Variants in ITGA9 observed in about 807,000 individuals in gnomAD.
ITGA9 encodes the protein integrin subunit alpha 9, also known as integrin alpha-9.
Under a neutral mutation model 127.8 loss-of-function variants are expected in ITGA9, and 56 were observed. That is an observed-to-expected ratio of 0.44 (90% CI 0.35 to 0.55). The LOEUF is 0.55. Among genes scored for constraint, ITGA9 ranks in the 20% least tolerant of loss-of-function variants. The pLI is 0.00. For missense variants in ITGA9, 1,196 were observed against 1,347.1 expected (o/e 0.89, Z 1.76); for synonymous variants, 508 against 514.5 (o/e 0.99, Z 0.17).
At chr3:37,655,777 G>A (rs13320055) in intron 17 of ITGA9, among the ~76,000 whole-genome samples, 130 of 152,300 alleles carry the variant, frequency 8.5e-4, no homozygotes, top group African/African-American at 2.8e-3. Context: ...CCATGCCTAT[G>A]TCCTGAATGG....
intron 8 of ITGA9, among the ~76,000 whole-genome samples, chr3:37,512,483 A>C (rs928433986): frequency 1.3e-5 from 2 of 151,820 alleles, no homozygotes; most frequent in African/African-American, 4.8e-5. Context: ...AAGTGCTGGG[A>C]GTACAGGCGT....
chr3:37,553,824 T>C (rs1369406877), intron 15 of ITGA9, among the ~76,000 whole-genome samples: 2 of 152,190 alleles, frequency 1.3e-5, no homozygotes, highest in African/African-American at 4.8e-5. Context: ...GAATAAAACA[T>C]AATATCTTTG....
chr3:37,486,583 G>A (rs981323220), intron 4 of ITGA9, among the ~76,000 whole-genome samples: 1 of 152,168 alleles, frequency 6.6e-6, no homozygotes, highest in African/African-American at 2.4e-5. Context: ...AATATTCTCA[G>A]AAGGTGTCTA....
chr3:37,672,868 T>C (rs1194184390), intron 17 of ITGA9, among the ~76,000 whole-genome samples: 1 of 151,884 alleles, frequency 6.6e-6, no homozygotes, highest in African/African-American at 2.4e-5. Flanking sequence ...TTGAACCTTT[T>C]TGGGTACAAT....
intron 13 of ITGA9, among the ~76,000 whole-genome samples, chr3:37,532,964 T>G (rs1009818712): frequency 3.3e-5 from 5 of 152,212 alleles, no homozygotes; most frequent in Admixed American, 2.6e-4. Context: ...TCCTCTTAAA[T>G]GTATTCTTAT....
chr3:37,629,594 G>T lies in ITGA9; in HGVS notation c.1839+258G>T. ...TAGAAGTTACAATCCCCTCGAGTTC[G>T]TGAACTGGCTGGCCACTTGGTCCCT... On this transcript the variant is annotated intron_variant, in intron 16 of 27. Coordinates refer to ENST00000264741, the MANE Select transcript of ITGA9 (RefSeq NM_002207.3). This position sits in a 1 kb window ranked among gnomAD's most constrained non-coding sequence, Gnocchi z 4.5. 1 of 611,212 alleles carries T rather than the reference G, an allele frequency of 1.6e-6. No homozygotes were observed. The highest frequency in any genetic ancestry group is 2.8e-5 in the Admixed American group (1 of 35,254). 37.9% of individuals were successfully genotyped at this position (611,212 alleles called of 1,614,324 possible).
At chr3:37,779,127 T>G (rs960982568) in intron 24 of ITGA9, among the ~76,000 whole-genome samples, 2 of 152,112 alleles carry the variant, frequency 1.3e-5, no homozygotes, top group African/African-American at 4.8e-5. Context: ...TGTTTTGAGA[T>G]GGAGTCTTGC....
At chr3:37,794,556 AAG>A (rs1483938935) in intron 26 of ITGA9, among the ~76,000 whole-genome samples, 1 of 152,214 alleles carries the variant, frequency 6.6e-6, no homozygotes, top group Non-Finnish European at 1.5e-5. Context: ...GGGGAGAATG[AAG>A]ACTCCTCGGG....
chr3:37,487,249 G>C (rs1698619242), intron 4 of ITGA9, among the ~76,000 whole-genome samples: 1 of 152,116 alleles, frequency 6.6e-6, no homozygotes, highest in Non-Finnish European at 1.5e-5. Context: ...TAAATAAATA[G>C]AGCAAATTAA....
At chr3:37,606,475 T>C (rs1038379407) in intron 15 of ITGA9, among the ~76,000 whole-genome samples, 24 of 152,164 alleles carry the variant, frequency 1.6e-4, no homozygotes, top group Non-Finnish European at 2.6e-4. Flanking sequence ...CACAGCTGTA[T>C]TGGACAGCAC....
At chr3:37,683,816 T>C in intron 17 of ITGA9, 49 bp from the exon 18 acceptor site, 3 of 1,592,834 alleles carry the variant, frequency 1.9e-6, no homozygotes, top group Non-Finnish European at 2.6e-6. Flanking sequence ...CCTCATGTTA[T>C]ATTAGTGTAG....
intron 18 of ITGA9, among the ~76,000 whole-genome samples, chr3:37,715,281 T>C (rs1701122373): frequency 6.6e-6 from 1 of 152,162 alleles, no homozygotes; most frequent in African/African-American, 2.4e-5. Flanking sequence ...AGTAACTCAT[T>C]ATATCATTCC....
intron 18 of ITGA9, among the ~76,000 whole-genome samples, chr3:37,686,219 G>A (rs1268194234): frequency 2.0e-5 from 3 of 152,086 alleles, no homozygotes; most frequent in Admixed American, 6.5e-5. Flanking sequence ...TGAATTATTG[G>A]AGGAGCACTC....
At chr3:37,740,937 G>C (rs1341297476) in intron 20 of ITGA9, among the ~76,000 whole-genome samples, 1 of 152,194 alleles carries the variant, frequency 6.6e-6, no homozygotes, top group East Asian at 1.9e-4. Flanking sequence ...GAGCTTCCAT[G>C]ATGTTTATAG....
intron 17 of ITGA9, among the ~76,000 whole-genome samples, chr3:37,671,157 C>A (rs1019274055): frequency 2.0e-5 from 3 of 152,238 alleles, no homozygotes; most frequent in African/African-American, 7.2e-5. Context: ...CTAAAGTATT[C>A]TTTGTCTTTA....
chr3:37,537,574 C>T (rs575958719), intron 14 of ITGA9, among the ~76,000 whole-genome samples: 1 of 152,316 alleles, frequency 6.6e-6, no homozygotes, highest in African/African-American at 2.4e-5. Context: ...AATTAAGGTC[C>T]TACAGAGTGC....
intron 17 of ITGA9, among the ~76,000 whole-genome samples, chr3:37,663,525 A>T (rs1323240492): frequency 6.6e-6 from 1 of 152,184 alleles, no homozygotes; most frequent in Non-Finnish European, 1.5e-5. Flanking sequence ...ACTGTTGGCT[A>T]GCTGAGGGAT....
Position 37,779,886 on chromosome 3 carries a change from T to A in ITGA9, c.2668-16T>A. 6.2e-7 allele frequency: 1 copy of A among 1,613,792 alleles called. No individual in the cohort carries two copies. The highest frequency in any genetic ancestry group is 8.5e-7 in the Non-Finnish European group (1 of 1,179,732). On this transcript the variant is annotated splice_polypyrimidine_tract_variant and intron_variant, in intron 24 of 27. Coordinates refer to ENST00000264741, the MANE Select transcript of ITGA9 (RefSeq NM_002207.3). Reference sequence around the variant, plus strand: ...TTCTTAATTCCATTGGAAATTTTTCTGACTTTTCTTCTCAGGACTGTGAAA... The same window carrying A: ...TTCTTAATTCCATTGGAAATTTTTCAGACTTTTCTTCTCAGGACTGTGAAA...
intron 16 of ITGA9, among the ~76,000 whole-genome samples, chr3:37,635,339 C>G (rs1344224282): frequency 6.6e-6 from 1 of 152,058 alleles, no homozygotes; most frequent in Non-Finnish European, 1.5e-5. Context: ...ATGCAAATGT[C>G]ATTAAACTTG....
Sources: gnomAD v4.1 joint callset for allele counts (sites outside exome capture counted in the v4.1 genomes callset) on GRCh38, gnomAD v4.1.1 for gene constraint, Gnocchi (gnomAD v3.1) non-coding constraint, MANE v1.5 for transcripts, NCBI Gene and HGNC (gene_info 2026-07-23, HGNC 2026-07-21) for gene names.